The following BRDT variants were observed in gnomAD, a reference collection of about 807,000 sequenced individuals.
BRDT encodes the protein bromodomain testis-specific protein.
In BRDT, 77 loss-of-function variants were observed where a neutral mutation model predicts 113.9. The observed-to-expected ratio is 0.68, with a 90% CI of 0.56 to 0.82. BRDT has a LOEUF of 0.82. BRDT is among the 40% of genes least tolerant of loss of function. BRDT has a pLI of 0.00. For missense variants in BRDT, 1,027 were observed against 1,105.4 expected (o/e 0.93, Z 1.01); for synonymous variants, 358 against 366.5 (o/e 0.98, Z 0.26).
At chr1:91,967,054 G>C (rs188504326) in intron 3 of BRDT, among the ~76,000 whole-genome samples, 2 of 152,244 alleles carry the variant, frequency 1.3e-5, no homozygotes, top group East Asian at 3.9e-4. Flanking sequence ...GGGAGACAGA[G>C]TGAGACTTCG....
chr1:91,995,155 G>A (rs1208677344), intron 15 of BRDT, among the ~76,000 whole-genome samples: 1 of 152,078 alleles, frequency 6.6e-6, no homozygotes, highest in African/African-American at 2.4e-5. Flanking sequence ...TACGAGTTTA[G>A]CCTAGAGCAT....
At chr1:91,985,105 G>A (rs1570559206) in intron 12 of BRDT, among the ~76,000 whole-genome samples, 2 of 150,612 alleles carry the variant, frequency 1.3e-5, no homozygotes, top group Admixed American at 6.6e-5. Flanking sequence ...GTTTTGAGAC[G>A]GAGTCTCACT....
At chr1:91,967,361 G>T (rs1191627299) in intron 3 of BRDT, among the ~76,000 whole-genome samples, 1 of 150,046 alleles carries the variant, frequency 6.7e-6, no homozygotes, top group Non-Finnish European at 1.5e-5. Context: ...TCAGCCTCCT[G>T]AGTAGCTGGG....
At chr1:91,972,476 A>G (rs1188372724) in intron 4 of BRDT, among the ~76,000 whole-genome samples, 4 of 152,188 alleles carry the variant, frequency 2.6e-5, no homozygotes, top group Non-Finnish European at 5.9e-5. Flanking sequence ...TACACTAGAC[A>G]GTAAGCTACA....
chr1:91,964,678 C>A lies in BRDT; in HGVS notation c.244C>A (p.Arg82Ser). 1.3e-6 allele frequency: 2 copies of A among 1,503,932 alleles called. No individual in the cohort carries two copies. The highest frequency in any genetic ancestry group is 1.8e-6 in the Non-Finnish European group (2 of 1,095,788). 93.2% of individuals were successfully genotyped at this position (1,503,932 alleles called of 1,614,324 possible). A position where few individuals can be genotyped will look rare whatever the true frequency, so the allele number is the denominator to read the frequency against. Residue 82 changes from arginine (R) to serine (S), a missense_variant, in exon 3 of 19, where the codon CGC (arginine) becomes AGC (serine). Coordinates refer to ENST00000399546, the MANE Select transcript of BRDT (RefSeq NM_207189.4). Reference sequence around the variant, plus strand: ...AATGGATTTAAATACAATTAAGAAGCGCTTGGAGAATAAATATTATGCGAA... The same window carrying A: ...AATGGATTTAAATACAATTAAGAAGAGCTTGGAGAATAAATATTATGCGAA... ...NPMDLNTIKKRLENKYYAKAS... is the reference protein window; with the variant it reads ...NPMDLNTIKKSLENKYYAKAS...
chr1:91,957,883 C>A (rs1178787621), intron 1 of BRDT, among the ~76,000 whole-genome samples: 1 of 152,086 alleles, frequency 6.6e-6, no homozygotes, highest in Non-Finnish European at 1.5e-5. Context: ...TGCTGTGTCA[C>A]CCAGGCTGGA....
At position 91,977,363 on chromosome 1, in the gene BRDT, C is replaced by G. The variant is rs371806373; in HGVS notation, c.939C>G (p.Val313=). 2.9e-5 allele frequency: 46 copies of G among 1,591,462 alleles called. No individual in the cohort carries two copies. In the African/African-American group the frequency reaches 5.1e-4, roughly 18 times the overall value. The part of the protein sequence containing the change: ...ALGLHNYYDV[V]KNPMDLGTIK... ...GACTCCATAACTACTATGACGTTGT[C>G]AAAAATCCGATGGATCTTGGAACTA... Residue 313 remains valine, a synonymous_variant, in exon 6 of 19, where the codon GTC becomes GTG. Transcript: ENST00000399546.
At chr1:91,986,045 A>G (rs942208494) in intron 12 of BRDT, among the ~76,000 whole-genome samples, 5 of 152,242 alleles carry the variant, frequency 3.3e-5, no homozygotes, top group African/African-American at 1.2e-4. Flanking sequence ...GCATATGCAG[A>G]TAAGTCAAGA....
chr1:91,964,653 A>C lies in BRDT; in HGVS notation c.219A>C (p.Pro73=). 6.9e-7 allele frequency: 1 copy of C among 1,455,064 alleles called. No homozygotes were observed. 90.1% of individuals were successfully genotyped at this position (1,455,064 alleles called of 1,614,324 possible). The change falls in exon 3 of 19, where the codon CCA becomes CCC. Residue 73 remains proline, a synonymous_variant. Transcript: ENST00000399546. ...ATTATTATACCATTATAAAAAACCC[A>C]ATGGATTTAAATACAATTAAGAAGC... ...LPDYYTIIKN[P]MDLNTIKKRL... is the part of the protein sequence containing the mutation.
At chr1:91,954,829 G>T (rs186569510) in intron 1 of BRDT, among the ~76,000 whole-genome samples, 1 of 152,166 alleles carries the variant, frequency 6.6e-6, no homozygotes, top group African/African-American at 2.4e-5. Flanking sequence ...CAGGTGTGGT[G>T]GCATGCAGCT....
At chr1:91,997,612 T>C (rs1686465576) in intron 15 of BRDT, among the ~76,000 whole-genome samples, 2 of 152,238 alleles carry the variant, frequency 1.3e-5, no homozygotes, top group African/African-American at 4.8e-5. Context: ...GAAAACACCC[T>C]ATCTATGAAA....
Position 91,994,182 on chromosome 1 carries a change from T to C in BRDT, c.2215T>C (p.Phe739Leu), listed in dbSNP as rs769917622. 2 of 1,613,364 alleles carry C rather than the reference T, an allele frequency of 1.2e-6. No homozygotes were observed. The highest frequency in any genetic ancestry group is 1.3e-5 in the African/African-American group (1 of 74,920). Residue 739 changes from phenylalanine (F) to leucine (L), a missense_variant, in exon 15 of 19, where the codon TTT becomes CTT. Phe to Leu is a conservative substitution (Grantham distance 22). Transcript: ENST00000399546. ...GCCACCAAATCACCACCAATTAGCATTTAATTATCAAGAATTAGAACATTT... is the reference window on the plus strand; with the variant it reads ...GCCACCAAATCACCACCAATTAGCACTTAATTATCAAGAATTAGAACATTT... ...VMPPNHHQLAFNYQELEHLQT... is the reference protein window; with the variant it reads ...VMPPNHHQLALNYQELEHLQT...
chr1:91,954,108 A>G (rs1681454095), intron 1 of BRDT, among the ~76,000 whole-genome samples: 1 of 152,050 alleles, frequency 6.6e-6, no homozygotes, highest in Non-Finnish European at 1.5e-5. Context: ...AGTAGCTGGG[A>G]CTACAGGCAT....
Position 91,992,291 on chromosome 1 carries a change from G to T in BRDT, c.2092G>T (p.Glu698Ter). Residue 698 changes from glutamate (E) to a stop codon, truncating the protein, a stop_gained, in exon 14 of 19, where the codon GAA becomes TAA. Transcript: ENST00000399546. LOFTEE classifies it high-confidence loss of function. The stretch of plus-strand genomic sequence containing the variant: ...AATGAAGAATGAATGCATACCGCCT[G>T]AAGGAAGAACAGGCGTCACACAGGT... Reference protein sequence around the residue: ...KKMKNECIPPEGRTGVTQIGY... With the variant: ...KKMKNECIPP 1 of 1,513,470 alleles carries T rather than the reference G, an allele frequency of 6.6e-7. No homozygotes were observed. The highest frequency in any genetic ancestry group is 8.9e-7 in the Non-Finnish European group (1 of 1,125,284). The allele number at this position is 1,513,470 out of a possible 1,614,324, so 93.8% of individuals were successfully genotyped here.
intron 1 of BRDT, among the ~76,000 whole-genome samples, chr1:91,961,859 T>A (rs12040031): frequency 0.095 from 14,473 of 151,940 alleles, 1,059 homozygotes; most frequent in East Asian, 0.4. Context: ...TTGAAATAAT[T>A]TAAAACAGCC....
chr1:91,979,011 A>AAAAAAAAAAC (rs1553189994), intron 7 of BRDT, among the ~76,000 whole-genome samples: 1 of 130,810 alleles, frequency 7.6e-6, no homozygotes, highest in Non-Finnish European at 1.6e-5. Flanking sequence ...AAAAAAAAAA[A>AAAAAAAAAAC]AACAACAACA....
At position 91,962,865 on chromosome 1, in the gene BRDT, A is replaced by G; in HGVS notation, c.111A>G (p.Lys37=). The change falls in exon 2 of 19, where the codon AAA becomes AAG. Residue 37 remains lysine, a synonymous_variant. Coordinates refer to ENST00000399546, the MANE Select transcript of BRDT (RefSeq NM_207189.4). Reference sequence around the variant, plus strand: ...CAAATCAACTTCAGTATCTACAAAAAGTTGTCCTAAAGGATTTATGGAAGC... The same window carrying G: ...CAAATCAACTTCAGTATCTACAAAAGGTTGTCCTAAAGGATTTATGGAAGC... ...RLTNQLQYLQ[K]VVLKDLWKHS... 2 of 1,613,308 alleles carry G rather than the reference A, an allele frequency of 1.2e-6. No homozygotes were observed. Among genetic ancestry groups the G allele is most frequent in the Non-Finnish European group, 1.7e-6 (2 of 1,179,716 alleles).
At chr1:91,953,642 T>C (rs1293255957) in intron 1 of BRDT, among the ~76,000 whole-genome samples, 1 of 152,324 alleles carries the variant, frequency 6.6e-6, no homozygotes, top group East Asian at 1.9e-4. Context: ...TTCATGCCAC[T>C]GCATTCCAGC....
At chr1:91,992,196 AAAAG>A (rs1485402800) in intron 13 of BRDT, 64 bp from the exon 14 acceptor site, 2 of 894,140 alleles carry the variant, frequency 2.2e-6, no homozygotes, top group African/African-American at 1.8e-5. Context: ...TAATTTGTGA[AAAAG>A]AAATATAATC....
Sources: gnomAD v4.1 joint callset for allele counts (sites outside exome capture counted in the v4.1 genomes callset) on GRCh38, gnomAD v4.1.1 for gene constraint, MANE v1.5 for transcripts, NCBI Gene and HGNC (gene_info 2026-07-23, HGNC 2026-07-21) for gene names.